PLLP: variants seen among roughly 807,000 people sequenced by gnomAD.
PLLP encodes plasma membrane proteolipid (plasmolipin).
PLLP carries 15 observed loss-of-function variants against 19.7 expected under a neutral mutation model. The observed-to-expected ratio is 0.76, with a 90% confidence interval of 0.51 to 1.17. The LOEUF is 1.17. Ranked by LOEUF, PLLP falls within the 50% of genes most tolerant of loss-of-function variation. The pLI, the probability that PLLP is intolerant of heterozygous loss-of-function variation, is 0.00. For missense variants in PLLP, 255 were observed against 258.3 expected, an observed-to-expected ratio of 0.99 and a Z score of 0.09; for synonymous variants, 111 against 116.3, an observed-to-expected ratio of 0.95 and a Z score of 0.29.
intron 3 of PLLP, among the ~76,000 whole-genome samples, chr16:57,257,296 CAG>C (rs2075428967): frequency 6.6e-6 from 1 of 152,200 alleles, no homozygotes; most frequent in African/African-American, 2.4e-5. Flanking sequence ...ATAAGAGTGA[CAG>C]AGGGGACACC....
intron 1 of PLLP, among the ~76,000 whole-genome samples, chr16:57,282,386 G>A (rs1431978857): frequency 1.3e-5 from 2 of 151,802 alleles, no homozygotes; most frequent in African/African-American, 4.8e-5. Context: ...GAGACCACAG[G>A]CGCATACCAC....
At chr16:57,259,083 T>C (rs1481721118) in intron 2 of PLLP, among the ~76,000 whole-genome samples, 1 of 152,134 alleles carries the variant, frequency 6.6e-6, no homozygotes, top group South Asian at 2.1e-4. Flanking sequence ...AGTCAGCCCA[T>C]GAGGCCCTGG....
At chr16:57,284,039 G>A (rs556810405) in intron 1 of PLLP, among the ~76,000 whole-genome samples, 1 of 152,250 alleles carries the variant, frequency 6.6e-6, no homozygotes, top group East Asian at 1.9e-4. Context: ...AGGGAAGGGA[G>A]GGCTGGGAAG....
intron 3 of PLLP, among the ~76,000 whole-genome samples, chr16:57,257,463 C>T (rs1194190728): frequency 7.2e-5 from 11 of 152,252 alleles, no homozygotes; most frequent in Admixed American, 7.2e-4. Flanking sequence ...AAACTGCCCT[C>T]ATCAGGAAGA....
intron 1 of PLLP, among the ~76,000 whole-genome samples, chr16:57,279,310 T>G (rs964841737): frequency 6.6e-6 from 1 of 151,632 alleles, no homozygotes; most frequent in Non-Finnish European, 1.5e-5. Context: ...GCACTCTCCA[T>G]GCCACCCCAT....
In PLLP at chr16:57,256,844, T is replaced by C. The variant is rs1272279214; in HGVS notation, c.*69A>G. On this transcript the variant is annotated 3_prime_UTR_variant, in exon 4 of 4. Transcript: ENST00000219207. ...CACGCAGGGCTCCCCAGCTTCAGGC[T>C]TGCAGGGTGACCCTGCTCTGTGACC... 3 of 1,059,494 alleles carry C rather than the reference T, an allele frequency of 2.8e-6. No individual in the cohort carries two copies. The highest frequency in any genetic ancestry group is 4.4e-6 in the Non-Finnish European group (3 of 688,882). The allele number at this position is 1,059,494 out of a possible 1,614,324, so 65.6% of individuals were successfully genotyped here.
Position 57,284,495 on chromosome 16 carries a change from C to T in PLLP, c.46G>A (p.Ala16Thr). 3.5e-6 allele frequency: 5 copies of T among 1,431,426 alleles called. No homozygotes were observed. The highest frequency in any genetic ancestry group is 4.6e-6 in the Non-Finnish European group (5 of 1,084,122). The allele number at this position is 1,431,426 out of a possible 1,614,324, so 88.7% of individuals were successfully genotyped here. A position where few individuals can be genotyped will look rare whatever the true frequency, so the allele number is the denominator to read the frequency against. ...GACACCGAGGCTTCGGCGCCCTGCG[C>T]AGGACTGCTGGTCCGCGTGCTAACT... ...SKVSTRTSSPAQGAEASVSAL... is the reference protein window; with the variant it reads ...SKVSTRTSSPTQGAEASVSAL... Residue 16 changes from alanine (A) to threonine (T), a missense_variant, in exon 1 of 4, where the codon GCG (alanine) becomes ACG (threonine). Transcript: ENST00000219207.
intron 1 of PLLP, among the ~76,000 whole-genome samples, chr16:57,271,496 T>G (rs2075475209): frequency 6.6e-6 from 1 of 151,796 alleles, no homozygotes; most frequent in Non-Finnish European, 1.5e-5. Context: ...ATACAAAAAG[T>G]TAGCTGGGCG....
intron 1 of PLLP, among the ~76,000 whole-genome samples, chr16:57,282,927 C>G (rs1431545294): frequency 6.6e-6 from 1 of 152,202 alleles, no homozygotes; most frequent in African/African-American, 2.4e-5. Flanking sequence ...TCACACCCAC[C>G]TGGCTCTCCC....
intron 1 of PLLP, among the ~76,000 whole-genome samples, chr16:57,264,441 G>A (rs907552728): frequency 2.0e-5 from 3 of 152,214 alleles, no homozygotes; most frequent in Admixed American, 6.5e-5. Flanking sequence ...AACAGTGCCC[G>A]ACACATAATA....
At chr16:57,260,746 G>C (rs1184971334) in intron 2 of PLLP, among the ~76,000 whole-genome samples, 1 of 152,028 alleles carries the variant, frequency 6.6e-6, no homozygotes, top group Admixed American at 6.5e-5. Flanking sequence ...TCCCATGTCC[G>C]CTCTCAGCCC....
intron 2 of PLLP, among the ~76,000 whole-genome samples, chr16:57,259,575 G>C (rs1425755630): frequency 6.6e-6 from 1 of 152,166 alleles, no homozygotes; most frequent in South Asian, 2.1e-4. Flanking sequence ...CAAACGCCTG[G>C]TCCTCAAACA....
intron 3 of PLLP, 71 bp from the exon 4 acceptor site, chr16:57,257,100 G>T: frequency 9.0e-7 from 1 of 1,109,232 alleles, no homozygotes. Context: ...CAGATCTCAG[G>T]CCAGGCAGGA....
chr16:57,266,825 A>G (rs1445239771), intron 1 of PLLP, among the ~76,000 whole-genome samples: 2 of 150,478 alleles, frequency 1.3e-5, no homozygotes, highest in African/African-American at 2.4e-5. Flanking sequence ...CTGCAGATAA[A>G]CAAAGGGAAC....
At chr16:57,265,308 C>T (rs1348891108) in intron 1 of PLLP, among the ~76,000 whole-genome samples, 2 of 152,264 alleles carry the variant, frequency 1.3e-5, no homozygotes, top group Non-Finnish European at 2.9e-5. Context: ...ACCCCCAGAG[C>T]TGGGGGGAGG....
chr16:57,282,193 T>C (rs1901227963), intron 1 of PLLP, among the ~76,000 whole-genome samples: 1 of 151,626 alleles, frequency 6.6e-6, no homozygotes, highest in African/African-American at 2.4e-5. Flanking sequence ...ATTCCCCCTA[T>C]TGCCCCTATT....
At chr16:57,270,805 G>A (rs569703729) in intron 1 of PLLP, among the ~76,000 whole-genome samples, 4 of 152,280 alleles carry the variant, frequency 2.6e-5, no homozygotes, top group African/African-American at 7.2e-5. Context: ...GAAGGCGACA[G>A]CAGACTCGGA....
chr16:57,282,303 G>A (rs1448634234), intron 1 of PLLP, among the ~76,000 whole-genome samples: 4 of 151,562 alleles, frequency 2.6e-5, no homozygotes, highest in Non-Finnish European at 5.9e-5. Flanking sequence ...GAGTGCAGTG[G>A]TGCGATCAAA....
At chr16:57,257,800 C>A (rs540202574) in intron 3 of PLLP, among the ~76,000 whole-genome samples, 1 of 152,312 alleles carries the variant, frequency 6.6e-6, no homozygotes, top group East Asian at 1.9e-4. Flanking sequence ...GTGCACTTGT[C>A]AGTGGGAGAG....
Sources: allele counts gnomAD v4.1 joint callset (sites outside exome capture counted in the v4.1 genomes callset), GRCh38; gene constraint gnomAD v4.1.1; transcripts MANE v1.5; gene names NCBI Gene and HGNC (gene_info 2026-07-23, HGNC 2026-07-21).